NID2: variants seen among roughly 807,000 people sequenced by gnomAD.
The protein encoded by NID2 is nidogen-2.
NID2 carries 83 observed loss-of-function variants against 145.4 expected under a neutral mutation model. The ratio of observed to expected loss-of-function variants is 0.57; its 90% CI spans 0.48 to 0.69. NID2 has a LOEUF of 0.69. NID2 is among the 30% of genes least tolerant of loss of function. The pLI, the probability that NID2 is intolerant of heterozygous loss-of-function variation, is 0.00. For missense variants in NID2, 1,807 were observed against 1,765.7 expected (o/e 1.02, Z -0.42); for synonymous variants, 739 against 701.3 (o/e 1.05, Z -0.85).
chr14:52,011,464 G>A (rs1891016778), intron 17 of NID2, 90 bp downstream of exon 17: 8 of 1,537,056 alleles, frequency 5.2e-6, no homozygotes, highest in Non-Finnish European at 7.1e-6. Context: ...TCCCCTAATG[G>A]AGAAAAATCG....
At chr14:52,009,309 A>T (rs1890918499) in intron 18 of NID2, 1 of 152,226 alleles carries the variant, frequency 6.6e-6, no homozygotes, top group Admixed American at 6.5e-5. Context: ...CATCAACAAC[A>T]ATAAGTCTGA....
Position 52,054,202 on chromosome 14 carries a change from A to T in NID2, c.887T>A (p.Leu296Gln). Residue 296 changes from leucine to glutamine, a missense_variant, in exon 4 of 22, where the codon CTG (leucine) becomes CAG (glutamine). Physicochemically the swap from Leu to Gln is moderately radical, Grantham distance 113. Coordinates refer to ENST00000216286, the MANE Select transcript of NID2 (RefSeq NM_007361.4). ...DLSAAHSSVP[L>Q]GRSFSHATAL... ...TGTAGCATGGCTGAAGGAACGTCCC[A>T]GGGGAACAGAAGAGTGGGCAGCGGA... is the stretch of plus-strand genomic sequence containing the variant. 1 of 1,614,186 alleles carries T rather than the reference A, an allele frequency of 6.2e-7. No homozygotes were observed. Among genetic ancestry groups the T allele is most frequent in the Non-Finnish European group, 8.5e-7 (1 of 1,180,020 alleles).
chr14:52,036,643 A>C (rs961267833), intron 9 of NID2, among the ~76,000 whole-genome samples: 5 of 152,190 alleles, frequency 3.3e-5, no homozygotes, highest in Admixed American at 3.3e-4. Context: ...AGGGTTCCGA[A>C]TTTTCCATGT....
intron 12 of NID2, among the ~76,000 whole-genome samples, chr14:52,023,689 A>G (rs1891480131): frequency 6.6e-6 from 1 of 152,128 alleles, no homozygotes; most frequent in Non-Finnish European, 1.5e-5. Flanking sequence ...CAAAAGGACA[A>G]ACATGTCTGA....
At position 52,054,068 on chromosome 14, in the gene NID2, T is replaced by C; in HGVS notation, c.1021A>G (p.Ser341Gly). The change falls in exon 4 of 22, where the codon AGC (serine) becomes GGC (glycine). Residue 341 changes from serine to glycine, a missense_variant. Ser to Gly is a moderately conservative substitution (Grantham distance 56). Transcript: ENST00000216286. ...EPEEALNGHS[S>G]IDVSFQSKVD... The stretch of plus-strand genomic sequence containing the variant: ...TTGGATTGGAAGGAAACATCAATGC[T>C]GCTGTGGCCATTCAATGCCTCCTCT... 1.2e-6 allele frequency: 2 copies of C among 1,614,232 alleles called. No homozygotes were observed. The highest frequency in any genetic ancestry group is 1.7e-6 in the Non-Finnish European group (2 of 1,180,046).
In NID2 at chr14:52,042,627, C is replaced by A. The variant is rs564543488; in HGVS notation, c.1579+155G>T. The stretch of plus-strand genomic sequence containing the variant: ...AATTGGGAATCAGCCCAAACCAGTT[C>A]ATTCCTCACACATTTATTGAGCACC... On this transcript the variant is annotated intron_variant, in intron 6 of 21. Transcript: ENST00000216286. Among the ~76,000 whole-genome samples the A allele has an allele frequency of 4.6e-5, 7 of 152,336 alleles. No homozygotes were observed. The East Asian group carries it at 1.2e-3, about 25-fold the overall frequency.
chr14:52,068,893 G>T lies in NID2; in HGVS notation c.102C>A (p.Asp34Glu). 6.2e-7 allele frequency: 1 copy of T among 1,614,066 alleles called. No individual in the cohort carries two copies. ...ACGACTCCCCGTGTGGGAAGAGCTC[G>T]TCTGGGTGCAGCGCCGCGGCCCGCA... ...LMLRAAALHP[D>E]ELFPHGESWG... is the part of the protein sequence containing the mutation. Residue 34 changes from aspartate (D) to glutamate (E), a missense_variant, in exon 1 of 22, where the codon GAC becomes GAA. Transcript: ENST00000216286.
At chr14:52,039,077 G>T in intron 8 of NID2, 100 bp from the exon 9 acceptor site, 1 of 856,466 alleles carries the variant, frequency 1.2e-6, no homozygotes, top group Non-Finnish European at 1.8e-6. Flanking sequence ...TTCTTGGAGT[G>T]TGTTCCCTTG....
Position 52,029,615 on chromosome 14 carries a change from G to T in NID2, c.2333C>A (p.Pro778Gln). Residue 778 changes from proline to glutamine, a missense_variant, in exon 10 of 22, where the codon CCA (proline) becomes CAA (glutamine). Transcript: ENST00000216286. ...HMCDTTARCH[P>Q]GTGVDYTCEC... ...ACAGGTGTAATCTACACCTGTCCCTGGATGGCACCGTGCTGTTGTGTCACA... is the reference window on the plus strand; with the variant it reads ...ACAGGTGTAATCTACACCTGTCCCTTGATGGCACCGTGCTGTTGTGTCACA... 1 of 1,614,070 alleles carries T rather than the reference G, an allele frequency of 6.2e-7. No homozygotes were observed. The highest frequency in any genetic ancestry group is 1.1e-5 in the South Asian group (1 of 91,070).
At position 52,007,955 on chromosome 14, in the gene NID2, C is replaced by T; in HGVS notation, c.3735G>A (p.Trp1245Ter). Residue 1245 changes from tryptophan (W) to a stop codon, truncating the protein, a stop_gained, in exon 19 of 22, where the codon TGG (tryptophan) becomes TGA (stop). Transcript: ENST00000216286. LOFTEE classifies it high-confidence loss of function. Reference protein sequence around the residue: ...AVDPIRGNLYWTDWNREAPKI... With the variant: ...AVDPIRGNLY ...TAGGAGCTTCTCTATTCCAGTCTGTCCAGTACAAGTTGCTGTAAGTTAAAA... is the reference window on the plus strand; with the variant it reads ...TAGGAGCTTCTCTATTCCAGTCTGTTCAGTACAAGTTGCTGTAAGTTAAAA... 6.2e-7 allele frequency: 1 copy of T among 1,603,458 alleles called. No individual in the cohort carries two copies. Among genetic ancestry groups the T allele is most frequent in the Non-Finnish European group, 8.5e-7 (1 of 1,176,796 alleles).
chr14:52,014,951 G>A lies in NID2; in HGVS notation c.3250+103C>T, dbSNP rs1227862136. 4 of 901,632 alleles carry A rather than the reference G, an allele frequency of 4.4e-6. No individual in the cohort carries two copies. In the East Asian group the frequency reaches 8.0e-5, roughly 18 times the overall value. The allele number at this position is 901,632 out of a possible 1,614,324, so 55.9% of individuals were successfully genotyped here. A position where few individuals can be genotyped will look rare whatever the true frequency, so the allele number is the denominator to read the frequency against. On this transcript the variant is annotated intron_variant, in intron 15 of 21. Coordinates refer to ENST00000216286, the MANE Select transcript of NID2 (RefSeq NM_007361.4). ...TAGCACATAGTGACTTCTTTCATTAGACCTGGTGACCCCACATGTCCCCCC... is the reference window on the plus strand; with the variant it reads ...TAGCACATAGTGACTTCTTTCATTAAACCTGGTGACCCCACATGTCCCCCC...
At chr14:52,040,533 A>G in intron 8 of NID2, 118 bp downstream of exon 8, 1 of 842,498 alleles carries the variant, frequency 1.2e-6, no homozygotes, top group Non-Finnish European at 2.0e-6. Flanking sequence ...AATAGAGCTC[A>G]TTTTATGTTC....
rs199930239 is a variant in NID2 at position 52,014,445 on chromosome 14, C to A, written c.3262G>T (p.Val1088Phe). 2 of 1,610,170 alleles carry A rather than the reference C, an allele frequency of 1.2e-6. No homozygotes were observed. Among genetic ancestry groups the A allele is most frequent in the Non-Finnish European group, 1.7e-6 (2 of 1,177,956 alleles). ...PGTTPACIPT[V>F]APPMVRPTPR... ...GTGGGCCGGACCATGGGTGGAGCGACGGTGGGTATACCTGTGGGAGAGAGG... is the reference window on the plus strand; with the variant it reads ...GTGGGCCGGACCATGGGTGGAGCGAAGGTGGGTATACCTGTGGGAGAGAGG... Residue 1088 changes from valine to phenylalanine, a missense_variant, in exon 16 of 22, where the codon GTC (valine) becomes TTC (phenylalanine). By Grantham distance (50) the Val-to-Phe change is conservative. Coordinates refer to ENST00000216286, the MANE Select transcript of NID2 (RefSeq NM_007361.4).
rs1892256837 is a variant in NID2 at position 52,040,871 on chromosome 14, A to G, written c.1826-20T>C. The G allele has an allele frequency of 6.2e-7, 1 of 1,611,310 alleles. No homozygotes were observed. The highest frequency in any genetic ancestry group is 8.5e-7 in the Non-Finnish European group (1 of 1,177,526). On this transcript the variant is annotated intron_variant, in intron 7 of 21. Transcript: ENST00000216286. ...CAGCACCTGGAGATGAAAAACATTC[A>G]GCACAGGGATGAAAAGAGGTCTTGC...
intron 3 of NID2, among the ~76,000 whole-genome samples, chr14:52,057,937 T>A (rs1390299346): frequency 6.6e-6 from 1 of 152,130 alleles, no homozygotes; most frequent in South Asian, 2.1e-4. Context: ...TTCCTAAGAA[T>A]AACAACAAGA....
intron 11 of NID2, 51 bp from the exon 12 acceptor site, chr14:52,027,395 G>A (rs750685733): frequency 2.9e-5 from 42 of 1,445,812 alleles, no homozygotes; most frequent in Non-Finnish European, 3.5e-5. Flanking sequence ...TGCAAAGGAT[G>A]AGCCTCACTC....
rs756743057 is a variant in NID2, at chr14:52,010,880, G to T, written c.3718C>A (p.Arg1240=). ...AATTAGGGAAGCCCAGCTGACCCTC[G>T]GATTGGATCCACAGCGATGGCACGG... ...NPRAIAVDPI[R]GNLYWTDWNR... is the part of the protein sequence containing the mutation. The change falls in exon 18 of 22, where the codon CGA becomes AGA. Residue 1240 remains arginine (R), a synonymous_variant. Coordinates refer to ENST00000216286, the MANE Select transcript of NID2 (RefSeq NM_007361.4). The T allele has an allele frequency of 3.7e-6, 6 of 1,612,042 alleles. No homozygotes were observed. Among genetic ancestry groups the T allele is most frequent in the Non-Finnish European group, 5.1e-6 (6 of 1,179,184 alleles).
intron 8 of NID2, among the ~76,000 whole-genome samples, chr14:52,039,645 G>A (rs928670988): frequency 6.6e-6 from 1 of 152,156 alleles, no homozygotes; most frequent in Non-Finnish European, 1.5e-5. Flanking sequence ...GGAGCAGCAG[G>A]GGTCAGAGGA....
At chr14:52,044,278 T>G (rs1892396611) in intron 5 of NID2, among the ~76,000 whole-genome samples, 1 of 146,762 alleles carries the variant, frequency 6.8e-6, no homozygotes, top group Non-Finnish European at 1.5e-5. Flanking sequence ...TTTTTTTTTT[T>G]TTTTTTTTTG....
Sources: allele counts gnomAD v4.1 joint callset (sites outside exome capture counted in the v4.1 genomes callset), GRCh38; gene constraint gnomAD v4.1.1; transcripts MANE v1.5; gene names NCBI Gene and HGNC (gene_info 2026-07-23, HGNC 2026-07-21).